CABIN1: variants seen among roughly 807,000 people sequenced by gnomAD.
CABIN1 encodes the protein calcineurin-binding protein cabin-1.
In CABIN1, 133 loss-of-function variants were observed where a neutral mutation model predicts 227.7. The ratio of observed to expected loss-of-function variants is 0.58; its 90% CI spans 0.51 to 0.67. CABIN1 has a LOEUF of 0.67. Among genes scored for constraint, CABIN1 ranks in the 30% least tolerant of loss-of-function variants. The pLI is 0.00. For synonymous variants in CABIN1, 1,086 were observed against 1,155.1 expected, an observed-to-expected ratio of 0.94 and a Z score of 1.21; for missense variants, 2,408 against 2,852.5, an observed-to-expected ratio of 0.84 and a Z score of 3.55.
At chr22:24,094,766 G>A (rs1448508019) in intron 24 of CABIN1, among the ~76,000 whole-genome samples, 14 of 147,246 alleles carry the variant, frequency 9.5e-5, no homozygotes, top group Admixed American at 1.4e-4. Context: ...GCAGTGAGCC[G>A]AGATTGCGCC....
At chr22:24,056,610 A>G (rs2038817491) in intron 10 of CABIN1, 1 of 534,962 alleles carries the variant, frequency 1.9e-6, no homozygotes, top group Non-Finnish European at 3.3e-6. Flanking sequence ...GCTAGAAGCA[A>G]CATACTCATG....
chr22:24,072,926 T>G (rs999077953), intron 18 of CABIN1, among the ~76,000 whole-genome samples: 1 of 152,228 alleles, frequency 6.6e-6, no homozygotes, highest in African/African-American at 2.4e-5. Flanking sequence ...CTTAGATGTG[T>G]GACCTTGGGC....
intron 34 of CABIN1, among the ~76,000 whole-genome samples, chr22:24,174,524 G>A (rs1310132450): frequency 6.6e-6 from 1 of 152,214 alleles, no homozygotes; most frequent in Non-Finnish European, 1.5e-5. Flanking sequence ...CGAAGACCCA[G>A]CTCCTGTCCC....
chr22:24,049,332 T>A, intron 7 of CABIN1, 112 bp downstream of exon 7: 7 of 1,283,474 alleles, frequency 5.5e-6, no homozygotes, highest in Non-Finnish European at 7.8e-6. Flanking sequence ...CCCTGTGCTC[T>A]GGGGCTTCAT....
In CABIN1 at chr22:24,136,743, A is replaced by G. The variant is rs983922787; in HGVS notation, c.4746+2328A>G. On this transcript the variant is annotated intron_variant, in intron 29 of 36. Coordinates refer to ENST00000263119, the MANE Select transcript of CABIN1 (RefSeq NM_012295.4). ...CAATACATCACACACACACACGCAC[A>G]CACACACACACACACACACACACAG... 1.2e-4 allele frequency among the ~76,000 whole-genome samples: 18 copies of G among 148,516 alleles called. No individual in the cohort carries two copies. In the East Asian group the frequency reaches 3.0e-3, roughly 25 times the overall value.
intron 29 of CABIN1, among the ~76,000 whole-genome samples, chr22:24,161,180 C>T (rs185769190): frequency 3.7e-3 from 566 of 152,304 alleles, no homozygotes; most frequent in Non-Finnish European, 5.8e-3. Flanking sequence ...AGCCTAGAGC[C>T]GTTCTGAAGG....
At chr22:24,120,324 C>G (rs176161) in intron 28 of CABIN1, among the ~76,000 whole-genome samples, 3 of 152,174 alleles carry the variant, frequency 2.0e-5, no homozygotes, top group Non-Finnish European at 4.4e-5. Context: ...ACAGCTGTGC[C>G]CCAGGCTTAA....
At chr22:24,161,855 G>C (rs557095382) in intron 29 of CABIN1, among the ~76,000 whole-genome samples, 1 of 152,118 alleles carries the variant, frequency 6.6e-6, no homozygotes, top group Non-Finnish European at 1.5e-5. Flanking sequence ...TGAAGCAGGG[G>C]CTGTCCCTTG....
At chr22:24,012,695 A>G (rs965163620) in intron 1 of CABIN1, among the ~76,000 whole-genome samples, 1 of 152,164 alleles carries the variant, frequency 6.6e-6, no homozygotes, top group Non-Finnish European at 1.5e-5. Context: ...CTATCTGAGG[A>G]AATGCAGCTG....
intron 1 of CABIN1, among the ~76,000 whole-genome samples, chr22:24,019,484 A>G (rs188552487): frequency 2.5e-3 from 375 of 151,562 alleles, no homozygotes; most frequent in African/African-American, 8.9e-3. Context: ...CGAACTGCTG[A>G]CCTCAAGCAA....
At chr22:24,062,413 A>G (rs1020781459) in intron 13 of CABIN1, among the ~76,000 whole-genome samples, 19 of 130,838 alleles carry the variant, frequency 1.5e-4, no homozygotes, top group Non-Finnish European at 2.6e-4. Context: ...GCTGGAGTGC[A>G]GTGGCATGAT....
Position 24,061,811 on chromosome 22 carries a change from T to C in CABIN1, c.1618-136T>C, listed in dbSNP as rs886246945. ...GCGAGTAGCCACTGATTATCACTTA[T>C]GAAATGGCAAGTGGATAGAAAGAAT... On this transcript the variant is annotated intron_variant, in intron 12 of 36. Coordinates refer to ENST00000263119, the MANE Select transcript of CABIN1 (RefSeq NM_012295.4). The C allele has an allele frequency of 2.9e-5, 21 of 714,646 alleles. No homozygotes were observed. In the East Asian group the frequency reaches 3.3e-4, roughly 11 times the overall value. The allele number at this position is 714,646 out of a possible 1,614,324, so 44.3% of individuals were successfully genotyped here. A position where few individuals can be genotyped will look rare whatever the true frequency, so the allele number is the denominator to read the frequency against.
chr22:24,042,062 C>T (rs1031301274), intron 5 of CABIN1, among the ~76,000 whole-genome samples: 9 of 152,306 alleles, frequency 5.9e-5, no homozygotes, highest in East Asian at 5.8e-4. Flanking sequence ...AACGATCCTC[C>T]GACCTCATGC....
intron 31 of CABIN1, among the ~76,000 whole-genome samples, chr22:24,166,181 C>T (rs1207796044): frequency 1.3e-5 from 2 of 152,208 alleles, no homozygotes; most frequent in African/African-American, 4.8e-5. Flanking sequence ...CCTTGCCAGC[C>T]CCCAACCCCA....
chr22:24,177,683 C>T lies in CABIN1; in HGVS notation c.6385C>T (p.Leu2129=). 6.2e-7 allele frequency: 1 copy of T among 1,613,888 alleles called. No individual in the cohort carries two copies. Among genetic ancestry groups the T allele is most frequent in the Non-Finnish European group, 8.5e-7 (1 of 1,179,902 alleles). The change falls in exon 36 of 37, where the codon CTG becomes TTG. Residue 2129 remains leucine, a synonymous_variant. Transcript: ENST00000263119. The surrounding 1 kb of genome is among the most constrained non-coding windows in gnomAD (Gnocchi z 4.4). ...GCCCAGCCGGGCTAAGTCCCGCCCC[C>T]TGCCCAACATGCCAAAGCTGGTCAT... ...PEPSRAKSRP[L]PNMPKLVIPS...
At chr22:24,051,364 C>T (rs2038319756) in intron 8 of CABIN1, among the ~76,000 whole-genome samples, 1 of 152,074 alleles carries the variant, frequency 6.6e-6, no homozygotes. Context: ...CGGGTCTGGG[C>T]TTCTCCGCTC....
chr22:24,152,981 A>T (rs1363500437), intron 29 of CABIN1, among the ~76,000 whole-genome samples: 1 of 151,798 alleles, frequency 6.6e-6, no homozygotes, highest in Non-Finnish European at 1.5e-5. Context: ...ACAGGTCTGC[A>T]CCCACTCAGG....
intron 33 of CABIN1, among the ~76,000 whole-genome samples, chr22:24,170,763 C>CCT (rs3031762): frequency 6.7e-6 from 1 of 149,156 alleles, no homozygotes; most frequent in African/African-American, 2.5e-5. Flanking sequence ...CCCCCCCCCC[C>CCT]GCCCCCATGC....
At chr22:24,172,275 G>A (rs138312624) in intron 34 of CABIN1, among the ~76,000 whole-genome samples, 9 of 152,320 alleles carry the variant, frequency 5.9e-5, no homozygotes, top group African/African-American at 2.2e-4. Context: ...ACACCATCAC[G>A]GACGTGTTTG....
Sources: allele counts gnomAD v4.1 joint callset (sites outside exome capture counted in the v4.1 genomes callset), GRCh38; gene constraint gnomAD v4.1.1; non-coding constraint Gnocchi (gnomAD v3.1); transcripts MANE v1.5; gene names NCBI Gene and HGNC (gene_info 2026-07-23, HGNC 2026-07-21).